N4BP2: variants seen among roughly 807,000 people sequenced by gnomAD.
N4BP2 encodes NEDD4 binding protein 2, also known as NEDD4-binding protein 2.
In N4BP2, 91 loss-of-function variants were observed where a neutral mutation model predicts 152.8. The ratio of observed to expected loss-of-function variants is 0.60; its 90% CI spans 0.50 to 0.71. The LOEUF (loss-of-function observed/expected upper bound fraction) is 0.71, where lower values mean the gene tolerates loss of function less well. Among genes scored for constraint, N4BP2 ranks in the 30% least tolerant of loss-of-function variants. The pLI, the probability that N4BP2 is intolerant of heterozygous loss-of-function variation, is 0.00. For missense variants in N4BP2, 1,923 were observed against 2,059.1 expected (o/e 0.93, Z 1.28); for synonymous variants, 646 against 705.3 (o/e 0.92, Z 1.33).
chr4:40,161,714 A>G (rs956756899), downstream of N4BP2, among the ~76,000 whole-genome samples: 2 of 152,236 alleles, frequency 1.3e-5, no homozygotes, highest in Non-Finnish European at 2.9e-5. Flanking sequence ...AAGATTGCCC[A>G]TAAGTTGGTA....
Position 40,120,195 on chromosome 4 carries a change from C to T in N4BP2, c.2084C>T (p.Thr695Ile), listed in dbSNP as rs1003903466. 2 of 1,613,618 alleles carry T rather than the reference C, an allele frequency of 1.2e-6. No homozygotes were observed. The highest frequency in any genetic ancestry group is 1.7e-6 in the Non-Finnish European group (2 of 1,179,954). Residue 695 changes from threonine (T) to isoleucine (I), a missense_variant, in exon 9 of 18, where the codon ACA becomes ATA. By Grantham distance (89) the Thr-to-Ile change is moderately conservative. Transcript: ENST00000261435. ...FSDSESKLQA[T>I]DKSENEQIEM... Reference sequence around the variant, plus strand: ...GACTCTGAAAGCAAACTACAGGCAACAGACAAAAGTGAAAACGAGCAAATA... The same window carrying T: ...GACTCTGAAAGCAAACTACAGGCAATAGACAAAAGTGAAAACGAGCAAATA...
Position 40,121,952 on chromosome 4 carries a change from C to A in N4BP2, c.3841C>A (p.Pro1281Thr). Residue 1281 changes from proline to threonine, a missense_variant, in exon 9 of 18, where the codon CCT becomes ACT. Coordinates refer to ENST00000261435, the MANE Select transcript of N4BP2 (RefSeq NM_018177.6). The part of the protein sequence containing the change: ...VTETGDNIHS[P>T]SHFSDIFNFV... ...AGAGACTGGAGACAACATACATTCTCCTTCACATTTCTCTGATATTTTTAA... is the reference window on the plus strand; with the variant it reads ...AGAGACTGGAGACAACATACATTCTACTTCACATTTCTCTGATATTTTTAA... The A allele has an allele frequency of 6.4e-7, 1 of 1,565,904 alleles. No individual in the cohort carries two copies. The highest frequency in any genetic ancestry group is 1.2e-5 in the South Asian group (1 of 84,052).
chr4:40,069,116 TCAAAAACAAA>T (rs1711873060), intron 1 of N4BP2, among the ~76,000 whole-genome samples: 1 of 150,158 alleles, frequency 6.7e-6, no homozygotes, highest in African/African-American at 2.5e-5. Flanking sequence ...AGACTCCATC[TCAAAAACAAA>T]CAAAAACAAA....
chr4:40,069,104 C>T (rs968045415), intron 1 of N4BP2, among the ~76,000 whole-genome samples: 22 of 150,202 alleles, frequency 1.5e-4, no homozygotes, highest in African/African-American at 4.7e-4. Context: ...AGTGACAGAG[C>T]GAGACTCCAT....
the N4BP2 span, among the ~76,000 whole-genome samples, chr4:40,177,617 AAAAAT>A: frequency 2.0e-5 from 3 of 151,798 alleles, no homozygotes; most frequent in African/African-American, 7.3e-5. Flanking sequence ...CTCTGTCTCA[AAAAAT>A]AAAATAAATA....
rs199604903 is a variant in N4BP2 at position 40,103,259 on chromosome 4, C to G, written c.1373+41C>G. The G allele has an allele frequency of 1.3e-4, 203 of 1,514,100 alleles. 2 individuals are homozygous for G. In the Admixed American group the frequency reaches 4.0e-3, roughly 30 times the overall value. 93.8% of individuals were successfully genotyped at this position (1,514,100 alleles called of 1,614,324 possible). ...GGGTTTTTAAAAAATAGTATAATGTCTGAATTTGAACACAAGTATGAATAA... is the reference window on the plus strand; with the variant it reads ...GGGTTTTTAAAAAATAGTATAATGTGTGAATTTGAACACAAGTATGAATAA... On this transcript the variant is annotated intron_variant, in intron 4 of 17. Transcript: ENST00000261435.
chr4:40,175,862 G>C, the N4BP2 span, among the ~76,000 whole-genome samples: 1 of 150,952 alleles, frequency 6.6e-6, no homozygotes, highest in South Asian at 2.1e-4. Flanking sequence ...AGGCCGAGGT[G>C]GGTGGATCAC....
At chr4:40,178,748 A>C in the N4BP2 span, among the ~76,000 whole-genome samples, 1 of 152,200 alleles carries the variant, frequency 6.6e-6, no homozygotes. Context: ...ATGTGTAGGG[A>C]ACGAACTTCC....
intron 13 of N4BP2, among the ~76,000 whole-genome samples, chr4:40,134,960 T>TTTATTTTTTATG (rs2110019427): frequency 6.6e-6 from 1 of 150,650 alleles, no homozygotes; most frequent in South Asian, 2.1e-4. Context: ...TATTTTTTAT[T>TTTATTTTTTATG]ATTATACTTT....
chr4:40,170,915 A>G, the N4BP2 span, among the ~76,000 whole-genome samples: 1,140 of 152,356 alleles, frequency 7.5e-3, 14 homozygotes, highest in African/African-American at 0.026. Context: ...TATGTTGGAA[A>G]GGGATTGAAA....
At chr4:40,089,454 T>G (rs1391025236) in intron 2 of N4BP2, among the ~76,000 whole-genome samples, 6 of 149,288 alleles carry the variant, frequency 4.0e-5, no homozygotes, top group Admixed American at 6.7e-5. Flanking sequence ...TTTTTTTTTT[T>G]GAGTCATAGT....
intron 2 of N4BP2, among the ~76,000 whole-genome samples, chr4:40,079,993 G>A (rs905016664): frequency 4.0e-5 from 6 of 151,796 alleles, no homozygotes; most frequent in African/African-American, 1.5e-4. Context: ...TGGGAGGGGG[G>A]GATATATTTG....
intron 6 of N4BP2, among the ~76,000 whole-genome samples, 173 bp from the exon 7 acceptor site, chr4:40,113,259 G>A (rs1717054901): frequency 1.3e-5 from 2 of 152,002 alleles, no homozygotes; most frequent in South Asian, 2.1e-4. Context: ...TTTATCAGTA[G>A]CTAAATTTCT....
chr4:40,098,540 G>A (rs1715310279), intron 3 of N4BP2, among the ~76,000 whole-genome samples: 1 of 152,090 alleles, frequency 6.6e-6, no homozygotes, highest in African/African-American at 2.4e-5. Context: ...TTAGTATAAG[G>A]TAAAATTATT....
At chr4:40,141,890 A>G (rs2110032613) in intron 14 of N4BP2, among the ~76,000 whole-genome samples, 1 of 152,306 alleles carries the variant, frequency 6.6e-6, no homozygotes, top group East Asian at 1.9e-4. Flanking sequence ...GCTGGAGACC[A>G]GCCCGGCCAA....
chr4:40,097,304 C>T lies in N4BP2; in HGVS notation c.-37C>T. 6.4e-7 allele frequency: 1 copy of T among 1,563,802 alleles called. No individual in the cohort carries two copies. ...ATGACTTAAATGTCAAACATCTTAA[C>T]TAAGAAAAGGGAAACATTTTAGTTT... On this transcript the variant is annotated 5_prime_UTR_variant, in exon 3 of 18. Coordinates refer to ENST00000261435, the MANE Select transcript of N4BP2 (RefSeq NM_018177.6).
chr4:40,057,724 C>A (rs532597051), intron 1 of N4BP2, among the ~76,000 whole-genome samples: 1 of 152,112 alleles, frequency 6.6e-6, no homozygotes, highest in African/African-American at 2.4e-5. Flanking sequence ...TAGAGTGAGT[C>A]ATCTTAGCGG....
chr4:40,161,311 CACAGGAATATGTGAG>C (rs1292029599), downstream of N4BP2, among the ~76,000 whole-genome samples: 1 of 152,122 alleles, frequency 6.6e-6, no homozygotes. Context: ...TTACAGAGGA[CACAGGAATATGTGAG>C]ACATCAGGAT....
At chr4:40,147,624 C>G (rs996320849) in intron 16 of N4BP2, among the ~76,000 whole-genome samples, 2 of 150,272 alleles carry the variant, frequency 1.3e-5, no homozygotes, top group Admixed American at 1.3e-4. Context: ...GGCGGCTGGC[C>G]GGGCGGGGGC....
Sources: gnomAD v4.1 joint callset for allele counts (sites outside exome capture counted in the v4.1 genomes callset) on GRCh38, gnomAD v4.1.1 for gene constraint, MANE v1.5 for transcripts, NCBI Gene and HGNC (gene_info 2026-07-23, HGNC 2026-07-21) for gene names.